Variants in MAP3K13 observed in about 807,000 individuals in gnomAD.
MAP3K13 encodes leucine zipper-bearing kinase.
A neutral mutation model predicts 104.0 loss-of-function variants in MAP3K13; 52 were observed. That is an observed-to-expected ratio of 0.50 (90% CI 0.40 to 0.63). MAP3K13 has a LOEUF of 0.63. Among genes scored for constraint, MAP3K13 ranks in the 20% least tolerant of loss-of-function variants. The pLI is 0.00. For synonymous variants in MAP3K13, 394 were observed against 442.2 expected (o/e 0.89, Z 1.37); for missense variants, 914 against 1,218.5 (o/e 0.75, Z 3.72).
At chr3:185,357,390 G>A (rs1181068170) in intron 2 of MAP3K13, among the ~76,000 whole-genome samples, 2 of 149,208 alleles carry the variant, frequency 1.3e-5, no homozygotes, top group East Asian at 2.0e-4. Flanking sequence ...GGAGGTTACG[G>A]TGAGCCAAGA....
chr3:185,454,724 T>TATCATATATGA, intron 7 of MAP3K13, among the ~76,000 whole-genome samples: 1 of 23,266 alleles, frequency 4.3e-5, no homozygotes, highest in East Asian at 8.3e-4. Flanking sequence ...GAGATATATA[T>TATCATATATGA]GATATATATG....
rs754577111 is a variant in MAP3K13 at position 185,477,353 on chromosome 3, G to A, written c.2458G>A (p.Glu820Lys). The A allele has an allele frequency of 1.2e-6, 2 of 1,612,524 alleles. No individual in the cohort carries two copies. Among genetic ancestry groups the A allele is most frequent in the South Asian group, 2.2e-5 (2 of 91,054 alleles). The change falls in exon 12 of 14, where the codon GAA becomes AAA. Residue 820 changes from glutamate (E) to lysine (K), a missense_variant. Coordinates refer to ENST00000265026, the MANE Select transcript of MAP3K13 (RefSeq NM_004721.5). ...KSGDDSSEEE[E>K]GEVDSEVEFP... is the part of the protein sequence containing the mutation. ...TGGAGATGACTCCTCAGAAGAGGAA[G>A]AAGGGGAAGTAGATAGTGAAGTTGA...
intron 1 of MAP3K13, chr3:185,417,770 G>A (rs1339774962): frequency 5.6e-6 from 9 of 1,611,998 alleles, no homozygotes; most frequent in African/African-American, 4.0e-5. Flanking sequence ...ATGGTGTTCC[G>A]GCGCATGGTC....
intron 2 of MAP3K13, among the ~76,000 whole-genome samples, chr3:185,357,130 T>C (rs1361810192): frequency 1.3e-5 from 2 of 151,792 alleles, no homozygotes; most frequent in Non-Finnish European, 2.9e-5. Flanking sequence ...TCTCTCTTTT[T>C]ACATGAGCTC....
At position 185,435,034 on chromosome 3, in the gene MAP3K13, C is replaced by T. The variant is rs1047712858; in HGVS notation, c.476-2413C>T. Among the ~76,000 whole-genome samples, 7 of 151,820 alleles carry T rather than the reference C, an allele frequency of 4.6e-5. No individual in the cohort carries two copies. In the East Asian group the frequency reaches 1.2e-3, roughly 25 times the overall value. Reference sequence around the variant, plus strand: ...TTGTTGTTGTTTTGAGACAGAGTTTCGCTCTGTCACCCAGGCTGGAGTGCA... The same window carrying T: ...TTGTTGTTGTTTTGAGACAGAGTTTTGCTCTGTCACCCAGGCTGGAGTGCA... On this transcript the variant is annotated intron_variant, in intron 2 of 13. Transcript: ENST00000265026.
At chr3:185,362,981 A>ACACACACACACACC (rs1479395247), upstream of MAP3K13, 1 of 461,544 alleles carries the variant, frequency 2.2e-6, no homozygotes, top group Non-Finnish European at 2.8e-6. Context: ...ACACACACAC[A>ACACACACACACACC]CTCAAGCTGC....
At chr3:185,336,362 T>C (rs976100172) in intron 2 of MAP3K13, among the ~76,000 whole-genome samples, 2 of 151,734 alleles carry the variant, frequency 1.3e-5, no homozygotes, top group African/African-American at 4.8e-5. Flanking sequence ...GCCAACATGG[T>C]GAAACCCCAT....
chr3:185,482,586 T>A lies in MAP3K13; in HGVS notation c.*130T>A. The A allele has an allele frequency of 1.6e-6, 1 of 633,206 alleles. No individual in the cohort carries two copies. The highest frequency in any genetic ancestry group is 2.8e-6 in the Non-Finnish European group (1 of 359,508). 39.2% of individuals were successfully genotyped at this position (633,206 alleles called of 1,614,324 possible). On this transcript the variant is annotated 3_prime_UTR_variant, in exon 14 of 14. Transcript: ENST00000265026. This position sits in a 1 kb window ranked among gnomAD's most constrained non-coding sequence, Gnocchi z 4.5. ...AGACTACCCCATCTTTACCACCCCC[T>A]AGAAATGAGCTGCAATAACAGGAAC...
At chr3:185,415,396 G>A (rs935820581) in intron 1 of MAP3K13, among the ~76,000 whole-genome samples, 25 of 151,712 alleles carry the variant, frequency 1.6e-4, no homozygotes, top group African/African-American at 5.8e-4. Context: ...GGGCTCAAGT[G>A]ATCTACCTGC....
intron 2 of MAP3K13, among the ~76,000 whole-genome samples, chr3:185,336,282 C>T (rs567271556): frequency 6.6e-6 from 1 of 152,106 alleles, no homozygotes; most frequent in South Asian, 2.1e-4. Flanking sequence ...TGGCTCACAC[C>T]TGTAATCCCA....
chr3:185,408,502 G>C (rs1351305542), intron 1 of MAP3K13, among the ~76,000 whole-genome samples: 3 of 151,972 alleles, frequency 2.0e-5, no homozygotes, highest in Admixed American at 2.0e-4. Flanking sequence ...AACTCTGATG[G>C]TATAGGTTGC....
chr3:185,447,967 G>A lies in MAP3K13; in HGVS notation c.1010+20G>A, dbSNP rs1178920191. Reference sequence around the variant, plus strand: ...TATATGGTGAGTGGCGCCACCAGTTGTGCCAACTAAAAAGCCTTTTCCCAC... The same window carrying A: ...TATATGGTGAGTGGCGCCACCAGTTATGCCAACTAAAAAGCCTTTTCCCAC... On this transcript the variant is annotated intron_variant, in intron 5 of 13. Coordinates refer to ENST00000265026, the MANE Select transcript of MAP3K13 (RefSeq NM_004721.5). The A allele has an allele frequency of 1.3e-6, 2 of 1,592,964 alleles. No homozygotes were observed. The highest frequency in any genetic ancestry group is 1.7e-6 in the Non-Finnish European group (2 of 1,168,694).
intron 2 of MAP3K13, chr3:185,291,582 G>T (rs1410712982): frequency 5.3e-6 from 8 of 1,497,076 alleles, no homozygotes; most frequent in East Asian, 2.5e-5. Flanking sequence ...ACTTGTAGTA[G>T]AATTTTTTTG....
At position 185,418,216 on chromosome 3, in the gene MAP3K13, C is replaced by G; in HGVS notation, c.-85-10281C>G. ...CATTTTGCCTTTGCCAGCTCTCATT[C>G]GCTGAGAGGCATAGACCTTTTCGAT... On this transcript the variant is annotated intron_variant, in intron 1 of 13. Coordinates refer to ENST00000265026, the MANE Select transcript of MAP3K13 (RefSeq NM_004721.5). This position sits in a 1 kb window ranked among gnomAD's most constrained non-coding sequence, Gnocchi z 4.5. 6.2e-7 allele frequency: 1 copy of G among 1,610,648 alleles called. No individual in the cohort carries two copies. Among genetic ancestry groups the G allele is most frequent in the African/African-American group, 1.3e-5 (1 of 74,962 alleles).
chr3:185,478,624 C>T (rs1447358812), intron 12 of MAP3K13, among the ~76,000 whole-genome samples: 1 of 152,112 alleles, frequency 6.6e-6, no homozygotes, highest in Non-Finnish European at 1.5e-5. Context: ...GGTGCTGTGG[C>T]TCACACCTCT....
chr3:185,368,582 T>C (rs1292076046), intron 1 of MAP3K13, among the ~76,000 whole-genome samples: 1 of 152,156 alleles, frequency 6.6e-6, no homozygotes, highest in Non-Finnish European at 1.5e-5. Flanking sequence ...ATACTCTCCC[T>C]AGACGTAGCT....
In MAP3K13 at chr3:185,447,853, G is replaced by T; in HGVS notation, c.916G>T (p.Asp306Tyr). 1 of 1,613,992 alleles carries T rather than the reference G, an allele frequency of 6.2e-7. No homozygotes were observed. The highest frequency in any genetic ancestry group is 1.1e-5 in the South Asian group (1 of 91,058). The change falls in exon 5 of 14, where the codon GAC (aspartate) becomes TAC (tyrosine). Residue 306 changes from aspartate to tyrosine, a missense_variant. By Grantham distance (160) the Asp-to-Tyr change is radical (BLOSUM62 -3). Coordinates refer to ENST00000265026, the MANE Select transcript of MAP3K13 (RefSeq NM_004721.5). ...TTTTGGTACATCTAAGGAACTCAGT[G>T]ACAAAAGTACCAAGATGTCATTTGC... ...SDFGTSKELS[D>Y]KSTKMSFAGT...
exon 2 of MAP3K13, chr3:185,285,599 A>C (rs552802090): frequency 6.5e-7 from 1 of 1,533,480 alleles, no homozygotes; most frequent in African/African-American, 1.4e-5. Context: ...CAAAAACATG[A>C]GTCAATATGT....
In MAP3K13 at chr3:185,483,182, G is replaced by C. The variant is rs1046998343; in HGVS notation, c.*726G>C. The C allele has an allele frequency of 3.4e-5, 8 of 232,850 alleles. No individual in the cohort carries two copies. The highest frequency in any genetic ancestry group is 1.7e-4 in the Admixed American group (3 of 17,770). The allele number at this position is 232,850 out of a possible 1,614,324, so 14.4% of individuals were successfully genotyped here. A position where few individuals can be genotyped will look rare whatever the true frequency, so the allele number is the denominator to read the frequency against. On this transcript the variant is annotated 3_prime_UTR_variant, in exon 14 of 14. Transcript: ENST00000265026. ...GACAAACAAACAAACAAACAAACCT[G>C]TGTATGTGGAAGCTGGTTTCATTTT...
Sources: allele counts gnomAD v4.1 joint callset (sites outside exome capture counted in the v4.1 genomes callset), GRCh38; gene constraint gnomAD v4.1.1; non-coding constraint Gnocchi (gnomAD v3.1); transcripts MANE v1.5; gene names NCBI Gene and HGNC (gene_info 2026-07-23, HGNC 2026-07-21).